APBB2: variants seen among roughly 807,000 people sequenced by gnomAD.
APBB2 encodes the protein Fe65-like 1.
APBB2 carries 38 observed loss-of-function variants against 82.5 expected under a neutral mutation model. The observed-to-expected ratio is 0.46, with a 90% CI of 0.36 to 0.60. APBB2 has a LOEUF of 0.60. Ranked by LOEUF, APBB2 falls within the 20% of genes least tolerant of loss-of-function variation. APBB2 has a pLI of 0.00. For missense variants in APBB2, 772 were observed against 972.3 expected, an observed-to-expected ratio of 0.79 and a Z score of 2.74; for synonymous variants, 341 against 368.2, an observed-to-expected ratio of 0.93 and a Z score of 0.85.
At chr4:40,836,977 G>C (rs1362083839) in intron 12 of APBB2, among the ~76,000 whole-genome samples, 1 of 152,168 alleles carries the variant, frequency 6.6e-6, no homozygotes, top group African/African-American at 2.4e-5. Context: ...TACACAGCTG[G>C]GTTTTTCCCC....
At chr4:41,020,900 C>T (rs547181892) in intron 5 of APBB2, among the ~76,000 whole-genome samples, 7 of 152,144 alleles carry the variant, frequency 4.6e-5, no homozygotes, top group Admixed American at 2.6e-4. Context: ...GTTGTTTTTA[C>T]ACTAACAGGT....
intron 6 of APBB2, among the ~76,000 whole-genome samples, chr4:41,003,591 AG>A (rs1805822386): frequency 6.6e-6 from 1 of 150,792 alleles, no homozygotes; most frequent in Admixed American, 6.6e-5. Flanking sequence ...ATGTGAAAAC[AG>A]AGGTACAGCT....
intron 2 of APBB2, among the ~76,000 whole-genome samples, chr4:41,104,503 G>A (rs1295542855): frequency 6.6e-6 from 1 of 151,900 alleles, no homozygotes; most frequent in Non-Finnish European, 1.5e-5. Flanking sequence ...TATTATTTTA[G>A]GTTCAGAGGC....
chr4:40,981,372 C>A (rs544820203), intron 6 of APBB2, among the ~76,000 whole-genome samples: 1 of 137,632 alleles, frequency 7.3e-6, no homozygotes, highest in African/African-American at 2.5e-5. Flanking sequence ...CAGAGTGAGA[C>A]CCTGTCTCAA....
At chr4:40,955,222 G>T (rs1403098793) in intron 6 of APBB2, among the ~76,000 whole-genome samples, 1 of 152,192 alleles carries the variant, frequency 6.6e-6, no homozygotes, top group Non-Finnish European at 1.5e-5. Flanking sequence ...GAAGGAGCCA[G>T]CCTTGGGAAG....
At chr4:41,182,545 T>G (rs1007932724) in intron 1 of APBB2, among the ~76,000 whole-genome samples, 4 of 152,228 alleles carry the variant, frequency 2.6e-5, no homozygotes, top group African/African-American at 9.6e-5. Context: ...CTCTCATATA[T>G]CCAACTGCCT....
At chr4:41,077,735 G>A (rs1442890884) in intron 3 of APBB2, among the ~76,000 whole-genome samples, 1 of 152,132 alleles carries the variant, frequency 6.6e-6, no homozygotes, top group Admixed American at 6.6e-5. Flanking sequence ...CAGGCAATGT[G>A]CCTCCCCAAA....
intron 3 of APBB2, among the ~76,000 whole-genome samples, chr4:41,093,706 T>A (rs1742549000): frequency 6.6e-6 from 1 of 151,906 alleles, no homozygotes; most frequent in African/African-American, 2.4e-5. Flanking sequence ...AATACAAAAT[T>A]AGCTGGGCGT....
At chr4:41,112,049 G>A (rs893676985) in intron 2 of APBB2, among the ~76,000 whole-genome samples, 1 of 152,214 alleles carries the variant, frequency 6.6e-6, no homozygotes, top group Non-Finnish European at 1.5e-5. Flanking sequence ...CACAGCAGAG[G>A]TGGGATGGGC....
intron 12 of APBB2, among the ~76,000 whole-genome samples, chr4:40,886,438 C>A (rs1024781888): frequency 6.6e-6 from 1 of 152,160 alleles, no homozygotes; most frequent in Admixed American, 6.5e-5. Flanking sequence ...TGAGATTGCA[C>A]CATTGCACTC....
Position 40,812,976 on chromosome 4 carries a change from C to G in APBB2, c.*3116G>C, listed in dbSNP as rs2154291153. The G allele has an allele frequency of 6.6e-6, 1 of 152,312 alleles. No homozygotes were observed. Among genetic ancestry groups the G allele is most frequent in the East Asian group, 1.9e-4 (1 of 5,190 alleles). 9.4% of individuals were successfully genotyped at this position (152,312 alleles called of 1,614,324 possible). Reference sequence around the variant, plus strand: ...AAGGGTAGAAAAACGAAGCACCAAGCAGTGCTTTAGTCTGCAAAGGAAAGT... The same window carrying G: ...AAGGGTAGAAAAACGAAGCACCAAGGAGTGCTTTAGTCTGCAAAGGAAAGT... On this transcript the variant is annotated 3_prime_UTR_variant, in exon 18 of 18. Coordinates refer to ENST00000508593, the MANE Select transcript of APBB2 (RefSeq NM_004307.2).
chr4:40,983,998 T>C (rs1019151542), intron 6 of APBB2, among the ~76,000 whole-genome samples: 6 of 152,282 alleles, frequency 3.9e-5, no homozygotes, highest in South Asian at 2.1e-4. Context: ...AGAGAATCCA[T>C]CGTCAGCAAC....
Position 40,832,984 on chromosome 4 carries a change from G to A in APBB2, c.1530-2407C>T, listed in dbSNP as rs928308615. ...GTGGGTTGGGGCAAGTCACTGGGCC[G>A]AGACTTTGAGGGGTGAGCACAGTCT... On this transcript the variant is annotated intron_variant, in intron 12 of 17. Transcript: ENST00000508593. This position sits in a 1 kb window ranked among gnomAD's most constrained non-coding sequence, Gnocchi z 4.8. Among the ~76,000 whole-genome samples the A allele has an allele frequency of 2.0e-5, 3 of 152,132 alleles. No individual in the cohort carries two copies. The highest frequency in any genetic ancestry group is 7.2e-5 in the African/African-American group (3 of 41,426).
intron 10 of APBB2, among the ~76,000 whole-genome samples, chr4:40,925,109 GC>G (rs1782283996): frequency 1.3e-5 from 2 of 152,128 alleles, no homozygotes; most frequent in Admixed American, 1.3e-4. Flanking sequence ...CATGGAATAT[GC>G]CCCCGGAACA....
intron 2 of APBB2, among the ~76,000 whole-genome samples, chr4:41,128,301 C>T (rs1016081605): frequency 1.3e-5 from 2 of 152,142 alleles, no homozygotes; most frequent in African/African-American, 2.4e-5. Context: ...CAAAGGAACA[C>T]TTCTATGCCA....
At chr4:40,907,318 A>C (rs1777027341) in intron 10 of APBB2, among the ~76,000 whole-genome samples, 1 of 144,088 alleles carries the variant, frequency 6.9e-6, no homozygotes, top group Non-Finnish European at 1.5e-5. Context: ...TAGGACTGAT[A>C]TGCTTTATTT....
intron 1 of APBB2, among the ~76,000 whole-genome samples, chr4:41,185,322 C>A (rs1282449786): frequency 6.6e-6 from 1 of 152,138 alleles, no homozygotes; most frequent in Non-Finnish European, 1.5e-5. Context: ...ATCTTAAAAA[C>A]AATGTGTACT....
intron 2 of APBB2, among the ~76,000 whole-genome samples, chr4:41,101,426 T>G (rs1322286599): frequency 1.7e-5 from 2 of 119,894 alleles, no homozygotes; most frequent in Non-Finnish European, 3.2e-5. Context: ...ATTGCGCCAC[T>G]GCAGTCCGCA....
intron 6 of APBB2, among the ~76,000 whole-genome samples, chr4:40,982,786 C>CA (rs3058140): frequency 0.014 from 2,113 of 146,114 alleles, 24 homozygotes; most frequent in South Asian, 0.049. Flanking sequence ...GACCCTGTCT[C>CA]AAAAAAAAAA....
Sources: allele counts gnomAD v4.1 joint callset (sites outside exome capture counted in the v4.1 genomes callset), GRCh38; gene constraint gnomAD v4.1.1; non-coding constraint Gnocchi (gnomAD v3.1); transcripts MANE v1.5; gene names NCBI Gene and HGNC (gene_info 2026-07-23, HGNC 2026-07-21).